Variants in PTCHD4 observed in about 807,000 individuals in gnomAD.
PTCHD4 encodes the protein patched domain-containing protein 4.
PTCHD4 carries 33 observed loss-of-function variants against 58.1 expected under a neutral mutation model. The observed-to-expected ratio is 0.57, with a 90% CI of 0.43 to 0.76. The LOEUF (loss-of-function observed/expected upper bound fraction) is 0.76, where lower values mean the gene tolerates loss of function less well. Among genes scored for constraint, PTCHD4 ranks in the 30% least tolerant of loss-of-function variants. The pLI is 0.00. For missense variants in PTCHD4, 1,058 were observed against 1,027.1 expected (o/e 1.03, Z -0.41); for synonymous variants, 478 against 409.6 (o/e 1.17, Z -2.02).
intron 4 of PTCHD4, among the ~76,000 whole-genome samples, chr6:47,946,590 A>AT (rs1248933638): frequency 8.5e-5 from 13 of 152,134 alleles, no homozygotes; most frequent in Non-Finnish European, 1.5e-4. Flanking sequence ...TTTAGGATGT[A>AT]TATCTTATAA....
chr6:47,963,644 T>C lies in PTCHD4; in HGVS notation c.898+44990A>G, dbSNP rs144834929. On this transcript the variant is annotated intron_variant, in intron 4 of 4. Transcript: ENST00000339488. ...GTGGTACATATACACAATGATATAC[T>C]ATTCAGCCTTGAAAAAGAAGGAAAT... Among the ~76,000 whole-genome samples, 34 of 152,304 alleles carry C rather than the reference T, an allele frequency of 2.2e-4. 1 individual carries two copies. The highest frequency in any genetic ancestry group is 7.7e-4 in the African/African-American group (32 of 41,566).
intron 4 of PTCHD4, among the ~76,000 whole-genome samples, chr6:47,971,130 GA>G (rs1225989487): frequency 1.3e-5 from 2 of 152,074 alleles, no homozygotes; most frequent in Non-Finnish European, 2.9e-5. Context: ...CTTGAAGTCG[GA>G]ACACTGAAAC....
intron 4 of PTCHD4, among the ~76,000 whole-genome samples, chr6:47,938,821 C>G (rs1429475295): frequency 2.6e-5 from 4 of 152,130 alleles, no homozygotes; most frequent in Admixed American, 2.6e-4. Flanking sequence ...TGTTCAGAAT[C>G]TTTCCAAGGG....
intron 3 of PTCHD4, among the ~76,000 whole-genome samples, chr6:48,049,251 T>C (rs552173662): frequency 2.6e-5 from 4 of 151,846 alleles, no homozygotes; most frequent in Non-Finnish European, 4.4e-5. Flanking sequence ...CATCCCACAA[T>C]GCACAGGGCA....
intron 4 of PTCHD4, among the ~76,000 whole-genome samples, chr6:47,903,386 A>C (rs954215232): frequency 9.2e-5 from 14 of 152,104 alleles, no homozygotes; most frequent in African/African-American, 3.4e-4. Context: ...GCACAATCTC[A>C]GTTCACTGTA....
rs543146710 is a variant in PTCHD4 at position 47,876,318 on chromosome 6, G to C, written c.*1985C>G. Among the ~76,000 whole-genome samples, 1 of 151,928 alleles carries C rather than the reference G, an allele frequency of 6.6e-6. No individual in the cohort carries two copies. The highest frequency in any genetic ancestry group is 6.6e-5 in the Admixed American group (1 of 15,218). The stretch of plus-strand genomic sequence containing the variant: ...CACTCAAATCTATAGATATTGCACT[G>C]AAACTGACACAATGGAGAAGACATA... On this transcript the variant is annotated 3_prime_UTR_variant, in exon 5 of 5. Transcript: ENST00000339488.
At chr6:47,983,979 A>G (rs1271663639) in intron 4 of PTCHD4, among the ~76,000 whole-genome samples, 10 of 152,194 alleles carry the variant, frequency 6.6e-5, no homozygotes, top group African/African-American at 2.2e-4. Flanking sequence ...GTAATACAGT[A>G]TATTTAAATA....
At chr6:47,960,912 A>G (rs909381255) in intron 4 of PTCHD4, among the ~76,000 whole-genome samples, 25 of 151,014 alleles carry the variant, frequency 1.7e-4, no homozygotes, top group Admixed American at 1.3e-4. Flanking sequence ...AGGGTGATAG[A>G]TGACTAGGAA....
chr6:47,996,195 C>T (rs1768479149), intron 4 of PTCHD4, among the ~76,000 whole-genome samples: 2 of 152,036 alleles, frequency 1.3e-5, no homozygotes, highest in Admixed American at 6.6e-5. Flanking sequence ...TGGCTGGGCG[C>T]GGTGGCTCAT....
chr6:47,914,549 A>G (rs1424548525), intron 4 of PTCHD4, among the ~76,000 whole-genome samples: 4 of 151,950 alleles, frequency 2.6e-5, no homozygotes, highest in African/African-American at 7.2e-5. Context: ...CTTCCAGAAG[A>G]CATATTATGG....
chr6:47,930,398 C>A (rs937117962), intron 4 of PTCHD4, among the ~76,000 whole-genome samples: 3 of 152,146 alleles, frequency 2.0e-5, no homozygotes, highest in Non-Finnish European at 2.9e-5. Context: ...AATATAAATT[C>A]CCAAAATAAA....
At chr6:47,965,854 G>A (rs1767270336) in intron 4 of PTCHD4, among the ~76,000 whole-genome samples, 2 of 152,308 alleles carry the variant, frequency 1.3e-5, no homozygotes, top group East Asian at 1.9e-4. Flanking sequence ...GGCGGGGCTT[G>A]CAGTGAGCTG....
chr6:48,065,907 C>T (rs1240635567), intron 3 of PTCHD4, among the ~76,000 whole-genome samples: 1 of 152,062 alleles, frequency 6.6e-6, no homozygotes, highest in Admixed American at 6.5e-5. Context: ...TGATATTAAC[C>T]TTTGTAATTA....
chr6:48,070,484 G>T (rs1416259796), intron 1 of PTCHD4, among the ~76,000 whole-genome samples: 1 of 152,168 alleles, frequency 6.6e-6, no homozygotes, highest in Non-Finnish European at 1.5e-5. Context: ...TTAAGGAAAA[G>T]TGTCTAGAAG....
At chr6:47,949,880 T>TA in intron 4 of PTCHD4, among the ~76,000 whole-genome samples, 1 of 152,068 alleles carries the variant, frequency 6.6e-6, no homozygotes, top group South Asian at 2.1e-4. Context: ...GTTTTTTTTT[T>TA]AATTTTATTA....
In PTCHD4 at chr6:47,924,590, G is replaced by A. The variant is rs543287595; in HGVS notation, c.899-44654C>T. 5.3e-5 allele frequency among the ~76,000 whole-genome samples: 8 copies of A among 152,194 alleles called. No individual in the cohort carries two copies. The South Asian group carries it at 1.7e-3, about 32-fold the overall frequency. ...CCCTTATAGACGTGTAAGGATTACA[G>A]ACATGAGGTATGTGATGCACTTAGC... On this transcript the variant is annotated intron_variant, in intron 4 of 4. Coordinates refer to ENST00000339488, the MANE Select transcript of PTCHD4 (RefSeq NM_001384253.1).
chr6:47,958,115 G>C (rs1022267439), intron 4 of PTCHD4, among the ~76,000 whole-genome samples: 3 of 152,070 alleles, frequency 2.0e-5, no homozygotes, highest in Admixed American at 6.6e-5. Context: ...TTAAATTACT[G>C]TGGGTTTTGT....
chr6:47,893,900 AT>A (rs1764453251), intron 4 of PTCHD4, among the ~76,000 whole-genome samples: 1 of 152,248 alleles, frequency 6.6e-6, no homozygotes, highest in Admixed American at 6.5e-5. Context: ...GGTTTAGTTA[AT>A]TGGATTAAAC....
intron 4 of PTCHD4, among the ~76,000 whole-genome samples, chr6:47,983,102 T>A (rs115634493): frequency 0.017 from 2,646 of 152,276 alleles, 39 homozygotes; most frequent in South Asian, 0.054. Context: ...GATTACATAT[T>A]TCTGCAAGTT....
Sources: gnomAD v4.1 joint callset for allele counts (sites outside exome capture counted in the v4.1 genomes callset) on GRCh38, gnomAD v4.1.1 for gene constraint, MANE v1.5 for transcripts, NCBI Gene and HGNC (gene_info 2026-07-23, HGNC 2026-07-21) for gene names.